Variants in BTG4 observed in about 807,000 individuals in gnomAD.
BTG4 encodes the protein BTG anti-proliferation factor 4, also known as protein BTG4.
Under a neutral mutation model 19.3 loss-of-function variants are expected in BTG4, and 10 were observed. That is an observed-to-expected ratio of 0.52 (90% CI 0.32 to 0.88). The LOEUF is 0.88. BTG4 is among the 40% of genes least tolerant of loss of function. The probability of loss-of-function intolerance (pLI) is 0.04; values close to 1 mark genes in which losing one functional copy is unlikely to be tolerated. For synonymous variants in BTG4, 91 were observed against 95.7 expected (o/e 0.95, Z 0.29); for missense variants, 238 against 281.9 (o/e 0.84, Z 1.11).
the BTG4 span, among the ~76,000 whole-genome samples, chr11:111,398,646 G>A: frequency 6.6e-6 from 1 of 152,042 alleles, no homozygotes; most frequent in African/African-American, 2.4e-5. Flanking sequence ...AGTAGAGACG[G>A]GGTGAAAATT....
chr11:111,451,381 G>T, the BTG4 span: 1 of 452,784 alleles, frequency 2.2e-6, no homozygotes, highest in Non-Finnish European at 4.5e-6. Flanking sequence ...TATGTCTTTC[G>T]TCTGAGCAGC....
the BTG4 span, among the ~76,000 whole-genome samples, chr11:111,459,317 T>C: frequency 6.6e-6 from 1 of 152,138 alleles, no homozygotes; most frequent in Admixed American, 6.5e-5. Context: ...GAGTCCTGAG[T>C]TCAGATTCTG....
chr11:111,453,885 G>A, the BTG4 span, among the ~76,000 whole-genome samples: 6 of 152,346 alleles, frequency 3.9e-5, no homozygotes, highest in East Asian at 1.2e-3. Context: ...GCAAGTTGCA[G>A]AAGGTATTTA....
At chr11:111,389,011 C>A in the BTG4 span, among the ~76,000 whole-genome samples, 1 of 152,200 alleles carries the variant, frequency 6.6e-6, no homozygotes, top group Non-Finnish European at 1.5e-5. Context: ...TGTGCCAAAA[C>A]ACCATGAAAA....
the BTG4 span, among the ~76,000 whole-genome samples, chr11:111,437,620 C>T: frequency 6.6e-6 from 1 of 152,188 alleles, no homozygotes; most frequent in Non-Finnish European, 1.5e-5. Flanking sequence ...CTCTGAGCAT[C>T]CTCACCGCCT....
rs1565462802 is a variant in BTG4, at chr11:111,494,838, T to G, written c.*297A>C. The G allele has an allele frequency of 1.4e-5, 13 of 957,700 alleles. No individual in the cohort carries two copies. Among genetic ancestry groups the G allele is most frequent in the Non-Finnish European group, 1.6e-5 (13 of 804,626 alleles). 59.3% of individuals were successfully genotyped at this position (957,700 alleles called of 1,614,324 possible). ...AGTATTAAAAACACTGTACGTTTAT[T>G]TAAACCATTACTTTTCATAATTCAT... On this transcript the variant is annotated 3_prime_UTR_variant, in exon 5 of 5. Transcript: ENST00000692032.
chr11:111,449,071 C>A, the BTG4 span, among the ~76,000 whole-genome samples: 1 of 152,120 alleles, frequency 6.6e-6, no homozygotes, highest in Admixed American at 6.5e-5. Flanking sequence ...AACAAATGTG[C>A]ATGTGAATTC....
At chr11:111,478,588 C>A (rs1451239995) in intron 5 of BTG4, among the ~76,000 whole-genome samples, 1 of 151,976 alleles carries the variant, frequency 6.6e-6, no homozygotes, top group East Asian at 1.9e-4. Flanking sequence ...CAGAAAAGTG[C>A]TTCAACAAGC....
downstream of BTG4, among the ~76,000 whole-genome samples, chr11:111,494,246 G>A (rs993868649): frequency 6.6e-6 from 1 of 152,140 alleles, no homozygotes; most frequent in African/African-American, 2.4e-5. Flanking sequence ...TGAGAAGACA[G>A]CTACTAAATG....
chr11:111,486,178 G>A (rs1444939117), intron 5 of BTG4, among the ~76,000 whole-genome samples: 2 of 152,220 alleles, frequency 1.3e-5, no homozygotes, highest in African/African-American at 2.4e-5. Flanking sequence ...TATGATGCCT[G>A]TAATCCCAGC....
rs754863791 is a variant in BTG4, at chr11:111,495,137, A to C, written c.688T>G (p.Ter230GlyextTer21). The C allele has an allele frequency of 6.5e-7, 1 of 1,535,604 alleles. No homozygotes were observed. Among genetic ancestry groups the C allele is most frequent in the Non-Finnish European group, 8.7e-7 (1 of 1,143,322 alleles). ...DRYHWVNTHR[*>G] ...CCACCACGTGCCCAGTCGCTGCGTC[A>C]TCGGTGTGTGTTGACCCAGTGGTAC... The change falls in exon 5 of 5, where the codon TGA becomes GGA. Residue 230 changes from the stop codon to glycine, a stop_lost. Coordinates refer to ENST00000692032, the MANE Select transcript of BTG4 (RefSeq NM_001367975.1).
chr11:111,415,746 G>C, the BTG4 span, among the ~76,000 whole-genome samples: 1 of 152,154 alleles, frequency 6.6e-6, no homozygotes, highest in African/African-American at 2.4e-5. Flanking sequence ...CCACAGTTTA[G>C]AAATACAGTG....
chr11:111,513,020 A>G, upstream of BTG4: 1 of 462,060 alleles, frequency 2.2e-6, no homozygotes, highest in South Asian at 1.6e-5. Context: ...AAAACAAGGC[A>G]CAGCATCACC....
the BTG4 span, among the ~76,000 whole-genome samples, chr11:111,386,731 G>A: frequency 1.3e-5 from 2 of 152,168 alleles, no homozygotes; most frequent in African/African-American, 4.8e-5. Flanking sequence ...GTCCAGTTAG[G>A]ACAGTAATGG....
intron 5 of BTG4, chr11:111,467,803 A>C (rs1483928023): frequency 1.7e-6 from 1 of 604,364 alleles, no homozygotes; most frequent in Admixed American, 3.0e-5. Context: ...AATAAATGTC[A>C]CAGTGTAAGA....
At chr11:111,471,536 T>C (rs1020639701) in intron 5 of BTG4, among the ~76,000 whole-genome samples, 12 of 152,152 alleles carry the variant, frequency 7.9e-5, no homozygotes, top group Non-Finnish European at 1.8e-4. Flanking sequence ...TTTTCCTCCT[T>C]CTCTGATTGT....
chr11:111,424,363 A>T, the BTG4 span, among the ~76,000 whole-genome samples: 1 of 152,244 alleles, frequency 6.6e-6, no homozygotes, highest in East Asian at 1.9e-4. Flanking sequence ...AGTCAAGAGG[A>T]ACACCATGGG....
At chr11:111,440,546 A>G in the BTG4 span, among the ~76,000 whole-genome samples, 10 of 151,648 alleles carry the variant, frequency 6.6e-5, no homozygotes, top group Admixed American at 2.6e-4. Context: ...CCAACATCCT[A>G]CCCCTGGGCG....
At chr11:111,500,311 G>T (rs1474790092) in intron 1 of BTG4, among the ~76,000 whole-genome samples, 1 of 152,176 alleles carries the variant, frequency 6.6e-6, no homozygotes, top group Non-Finnish European at 1.5e-5. Context: ...CATACGTTAA[G>T]TCTTTAACGC....
Sources: allele counts gnomAD v4.1 joint callset (sites outside exome capture counted in the v4.1 genomes callset), GRCh38; gene constraint gnomAD v4.1.1; transcripts MANE v1.5; gene names NCBI Gene and HGNC (gene_info 2026-07-23, HGNC 2026-07-21).